ASCC3: variants seen among roughly 807,000 people sequenced by gnomAD.
ASCC3 encodes the protein ASC-1 complex subunit P200.
Under a neutral mutation model 256.3 loss-of-function variants are expected in ASCC3, and 158 were observed. That is an observed-to-expected ratio of 0.62 (90% CI 0.54 to 0.70). The LOEUF (loss-of-function observed/expected upper bound fraction) is 0.70. ASCC3 is among the 30% of genes least tolerant of loss of function. ASCC3 has a pLI of 0.00. For synonymous variants in ASCC3, 948 were observed against 883.4 expected, an observed-to-expected ratio of 1.07 and a Z score of -1.30; for missense variants, 2,259 against 2,626.0, an observed-to-expected ratio of 0.86 and a Z score of 3.05.
intron 33 of ASCC3, among the ~76,000 whole-genome samples, chr6:100,604,491 T>C (rs1772787327): frequency 6.6e-6 from 1 of 152,028 alleles, no homozygotes; most frequent in Admixed American, 6.6e-5. Context: ...AGTTTCACCC[T>C]GTTGCTCAAA....
chr6:100,834,030 C>T (rs1010602541), intron 4 of ASCC3, among the ~76,000 whole-genome samples: 1 of 152,172 alleles, frequency 6.6e-6, no homozygotes, highest in Non-Finnish European at 1.5e-5. Flanking sequence ...AGCACCACTA[C>T]ACCCCAGCCT....
chr6:100,557,986 T>C (rs1256939993), intron 36 of ASCC3, among the ~76,000 whole-genome samples: 1 of 151,832 alleles, frequency 6.6e-6, no homozygotes, highest in Non-Finnish European at 1.5e-5. Flanking sequence ...TTCTGTCTGA[T>C]TCCAAAACTG....
At chr6:100,570,446 T>C (rs76175528) in intron 36 of ASCC3, among the ~76,000 whole-genome samples, 3,707 of 152,232 alleles carry the variant, frequency 0.024, 55 homozygotes, top group Non-Finnish European at 0.037. Context: ...GTTCCTTTGA[T>C]ACCTAGCTTC....
At chr6:100,706,214 AT>A (rs1361699626) in intron 13 of ASCC3, among the ~76,000 whole-genome samples, 3 of 151,362 alleles carry the variant, frequency 2.0e-5, no homozygotes, top group Non-Finnish European at 4.4e-5. Context: ...GTTGAATTAT[AT>A]TTTTTTCATT....
chr6:100,800,328 A>G lies in ASCC3; in HGVS notation c.1099T>C (p.Phe367Leu). ...DLEVSEGLMC[F>L]DPKELRIQRE... ...TGTATCCGCAATTCCTTAGGATCAA[A>G]GCACATAAGTCCTTCTGAAACTTCT... is the stretch of plus-strand genomic sequence containing the variant. Residue 367 changes from phenylalanine to leucine, a missense_variant, in exon 6 of 42, where the codon TTT becomes CTT. Coordinates refer to ENST00000369162, the MANE Select transcript of ASCC3 (RefSeq NM_006828.4). The G allele has an allele frequency of 6.2e-7, 1 of 1,612,972 alleles. No homozygotes were observed. The highest frequency in any genetic ancestry group is 8.5e-7 in the Non-Finnish European group (1 of 1,179,280).
chr6:100,726,320 T>C (rs1322847759), intron 10 of ASCC3, among the ~76,000 whole-genome samples: 2 of 151,960 alleles, frequency 1.3e-5, no homozygotes, highest in Non-Finnish European at 2.9e-5. Flanking sequence ...TTAGTAAATA[T>C]TAGGAGAGGT....
At chr6:100,797,455 G>A (rs1281186334) in intron 8 of ASCC3, among the ~76,000 whole-genome samples, 1 of 72,666 alleles carries the variant, frequency 1.4e-5, no homozygotes, top group African/African-American at 6.4e-5. Context: ...AGTGAAACTC[G>A]TTCTCAAAAA....
In ASCC3 at chr6:100,799,415, T is replaced by C. The variant is rs1330614487; in HGVS notation, c.1269+16A>G. The C allele has an allele frequency of 3.7e-6, 6 of 1,610,706 alleles. No individual in the cohort carries two copies. The East Asian group carries it at 1.1e-4, about 30-fold the overall frequency. Reference sequence around the variant, plus strand: ...TAGACATATTATTGAACAGTAGTTATATAACAATGACATACCTTTGCACCA... The same window carrying C: ...TAGACATATTATTGAACAGTAGTTACATAACAATGACATACCTTTGCACCA... On this transcript the variant is annotated intron_variant, in intron 7 of 41. Coordinates refer to ENST00000369162, the MANE Select transcript of ASCC3 (RefSeq NM_006828.4).
At chr6:100,739,962 G>A (rs1031742429) in intron 10 of ASCC3, among the ~76,000 whole-genome samples, 21 of 151,930 alleles carry the variant, frequency 1.4e-4, no homozygotes, top group African/African-American at 4.6e-4. Flanking sequence ...GTTATCTCTC[G>A]TTTCCTGCTA....
At chr6:100,670,742 A>G (rs1776705705) in intron 14 of ASCC3, among the ~76,000 whole-genome samples, 1 of 151,860 alleles carries the variant, frequency 6.6e-6, no homozygotes, top group Admixed American at 6.6e-5. Context: ...AATTGGAACA[A>G]TATCTCCAGT....
At position 100,843,673 on chromosome 6, in the gene ASCC3, A is replaced by G. The variant is rs1034644304; in HGVS notation, c.801+4475T>C. 6.6e-5 allele frequency among the ~76,000 whole-genome samples: 10 copies of G among 152,186 alleles called. No individual in the cohort carries two copies. In the East Asian group the frequency reaches 1.9e-3, roughly 29 times the overall value. On this transcript the variant is annotated intron_variant, in intron 4 of 41. Transcript: ENST00000369162. ...CATCTTTTCCATCTTAACAAGAACTATTAATATCAGAACTCACTTCAAAAA... is the reference window on the plus strand; with the variant it reads ...CATCTTTTCCATCTTAACAAGAACTGTTAATATCAGAACTCACTTCAAAAA...
intron 27 of ASCC3, among the ~76,000 whole-genome samples, chr6:100,628,679 C>T (rs1774378094): frequency 6.6e-6 from 1 of 152,094 alleles, no homozygotes; most frequent in Non-Finnish European, 1.5e-5. Context: ...TCCCCAGAAG[C>T]AGGAGCCACT....
At chr6:100,704,079 A>C (rs1778467923) in intron 13 of ASCC3, among the ~76,000 whole-genome samples, 1 of 151,618 alleles carries the variant, frequency 6.6e-6, no homozygotes, top group Non-Finnish European at 1.5e-5. Context: ...CAATATGGAT[A>C]GGGGAATTTC....
At position 100,848,687 on chromosome 6, in the gene ASCC3, C is replaced by G. The variant is rs1166252229; in HGVS notation, c.262G>C (p.Glu88Gln). 1 of 1,612,874 alleles carries G rather than the reference C, an allele frequency of 6.2e-7. No homozygotes were observed. The highest frequency in any genetic ancestry group is 1.7e-5 in the Admixed American group (1 of 60,014). ...AATGCAGCCCCACTTTCAATTGCTT[C>G]TCTCCCATTATCAGTTCCAACTATT... ...KQIVGTDNGR[E>Q]AIESGAAFLF... Residue 88 changes from glutamate to glutamine, a missense_variant, in exon 4 of 42, where the codon GAA becomes CAA. Glu to Gln is a conservative substitution (Grantham distance 29). Around this residue, in one of 2 missense-constraint regions of ASCC3, gnomAD observed 420 missense variants for 419.3 expected, o/e 1.00. Coordinates refer to ENST00000369162, the MANE Select transcript of ASCC3 (RefSeq NM_006828.4).
chr6:100,783,460 T>C (rs1782540865), intron 8 of ASCC3, among the ~76,000 whole-genome samples: 1 of 152,130 alleles, frequency 6.6e-6, no homozygotes, highest in Non-Finnish European at 1.5e-5. Context: ...CTAAAATGTA[T>C]CCTCCTACTC....
chr6:100,573,698 T>C (rs1249860511), intron 36 of ASCC3, among the ~76,000 whole-genome samples: 2 of 152,072 alleles, frequency 1.3e-5, no homozygotes, highest in African/African-American at 2.4e-5. Context: ...AGTTATTATA[T>C]CACTAAGCAG....
chr6:100,670,058 A>T (rs909498360), intron 14 of ASCC3, among the ~76,000 whole-genome samples: 4 of 152,150 alleles, frequency 2.6e-5, no homozygotes, highest in African/African-American at 9.6e-5. Flanking sequence ...GAAAAAGTTT[A>T]TGTAACCTAT....
chr6:100,800,570 C>T (rs1769867284), intron 5 of ASCC3, 66 bp from the exon 6 acceptor site: 3 of 1,224,650 alleles, frequency 2.4e-6, no homozygotes, highest in Non-Finnish European at 3.5e-6. Flanking sequence ...TTCATGAAAA[C>T]CATTTCTTTC....
chr6:100,600,235 A>ACACACACACG (rs1562153442), intron 34 of ASCC3, among the ~76,000 whole-genome samples: 1 of 145,202 alleles, frequency 6.9e-6, no homozygotes, highest in East Asian at 2.0e-4. Flanking sequence ...ACACACACAC[A>ACACACACACG]CACAGTTGTA....
Sources: allele counts gnomAD v4.1 joint callset (sites outside exome capture counted in the v4.1 genomes callset), GRCh38; gene constraint gnomAD v4.1.1; regional missense constraint gnomAD v4.1.1; transcripts MANE v1.5; gene names NCBI Gene and HGNC (gene_info 2026-07-23, HGNC 2026-07-21).